Variants in NLGN1 observed in about 807,000 individuals in gnomAD.
The protein encoded by NLGN1 is neuroligin-1.
NLGN1 carries 12 observed loss-of-function variants against 65.5 expected under a neutral mutation model. The ratio of observed to expected loss-of-function variants is 0.18; its 90% CI spans 0.12 to 0.30. The LOEUF (loss-of-function observed/expected upper bound fraction) is 0.30, where lower values mean the gene tolerates loss of function less well. Ranked by LOEUF, NLGN1 falls within the 10% of genes least tolerant of loss-of-function variation. The pLI is 1.00. For synonymous variants in NLGN1, 350 were observed against 359.5 expected, an observed-to-expected ratio of 0.97 and a Z score of 0.30; for missense variants, 750 against 1,007.1, an observed-to-expected ratio of 0.74 and a Z score of 3.46.
intron 3 of NLGN1, among the ~76,000 whole-genome samples, chr3:173,657,708 C>T (rs1164094865): frequency 1.3e-5 from 2 of 151,790 alleles, no homozygotes; most frequent in Admixed American, 1.3e-4. Context: ...TCATCCCACC[C>T]ACTCCAAAGC....
chr3:173,526,839 A>G (rs2149163522), intron 2 of NLGN1, among the ~76,000 whole-genome samples: 1 of 152,344 alleles, frequency 6.6e-6, no homozygotes, highest in South Asian at 2.1e-4. Context: ...AAGTGAGAAC[A>G]TGCAAAGTTT....
exon 3 of NLGN1, chr3:173,604,986 A>T (rs575150492): frequency 6.2e-7 from 1 of 1,613,648 alleles, no homozygotes; most frequent in East Asian, 2.2e-5. Flanking sequence ...GCCAGAAGTC[A>T]TGCTTCCTGT....
At chr3:173,732,567 G>A (rs1234637278) in intron 3 of NLGN1, among the ~76,000 whole-genome samples, 1 of 152,066 alleles carries the variant, frequency 6.6e-6, no homozygotes, top group Non-Finnish European at 1.5e-5. Context: ...ATAACCAGCT[G>A]TATATTTCAG....
At chr3:174,063,186 A>G (rs2152521398) in intron 4 of NLGN1, among the ~76,000 whole-genome samples, 1 of 152,338 alleles carries the variant, frequency 6.6e-6, no homozygotes, top group Middle Eastern at 3.4e-3. Context: ...AGTATGGACA[A>G]CAATGGAATG....
chr3:173,439,924 C>G (rs1247036686), intron 2 of NLGN1, among the ~76,000 whole-genome samples: 2 of 152,116 alleles, frequency 1.3e-5, no homozygotes, highest in African/African-American at 4.8e-5. Context: ...TTTGCTGCAT[C>G]AGTTGATTCT....
chr3:174,183,157 C>A (rs893520766), intron 4 of NLGN1, among the ~76,000 whole-genome samples: 1 of 152,040 alleles, frequency 6.6e-6, no homozygotes, highest in African/African-American at 2.4e-5. Flanking sequence ...CCTGGCACCT[C>A]CCGTCCCCAT....
chr3:173,925,046 G>T (rs1164582698), intron 4 of NLGN1, among the ~76,000 whole-genome samples: 3 of 151,948 alleles, frequency 2.0e-5, no homozygotes, highest in East Asian at 3.9e-4. Context: ...GTTAATAAAA[G>T]AAATAATAAC....
chr3:173,827,307 G>A (rs1721532869), intron 4 of NLGN1, among the ~76,000 whole-genome samples: 2 of 152,024 alleles, frequency 1.3e-5, no homozygotes, highest in Non-Finnish European at 2.9e-5. Context: ...AGATTCTAGT[G>A]AAGAGATATA....
At chr3:173,700,530 A>C (rs1766970148) in intron 3 of NLGN1, among the ~76,000 whole-genome samples, 1 of 152,218 alleles carries the variant, frequency 6.6e-6, no homozygotes, top group South Asian at 2.1e-4. Context: ...AGTTCCTTGT[A>C]TTGAATGTGG....
chr3:173,795,817 T>C (rs1319549689), intron 3 of NLGN1, among the ~76,000 whole-genome samples: 1 of 152,146 alleles, frequency 6.6e-6, no homozygotes, highest in Non-Finnish European at 1.5e-5. Context: ...CTGCTTCCAA[T>C]TGCTCCAGAA....
intron 4 of NLGN1, among the ~76,000 whole-genome samples, chr3:174,179,180 AT>A (rs1433809624): frequency 5.9e-5 from 9 of 152,132 alleles, no homozygotes; most frequent in Non-Finnish European, 1.0e-4. Context: ...ATAGAATACT[AT>A]TTTAAACTAT....
rs184049948 is a variant in NLGN1 at position 174,101,053 on chromosome 3, A to G, written c.647-174262A>G. ...AACCCATGTCTGCCTTCTGTCAACTATGTGATATCAACATAGGTAGTTGCT... is the reference window on the plus strand; with the variant it reads ...AACCCATGTCTGCCTTCTGTCAACTGTGTGATATCAACATAGGTAGTTGCT... On this transcript the variant is annotated intron_variant, in intron 4 of 6. Coordinates refer to ENST00000457714, the Ensembl canonical transcript of NLGN1. 3.3e-5 allele frequency among the ~76,000 whole-genome samples: 5 copies of G among 152,170 alleles called. No individual in the cohort carries two copies. In the East Asian group the frequency reaches 9.7e-4, roughly 30 times the overall value.
intron 4 of NLGN1, among the ~76,000 whole-genome samples, chr3:174,249,232 C>G (rs1744341665): frequency 1.3e-5 from 2 of 152,182 alleles, no homozygotes; most frequent in Admixed American, 1.3e-4. Context: ...CTGAGAACTG[C>G]ATTTATTCCT....
rs548285953 is a variant in NLGN1 at position 173,607,813 on chromosome 3, G to A, written c.493+2722G>A. 2.7e-5 allele frequency among the ~76,000 whole-genome samples: 4 copies of A among 150,898 alleles called. No individual in the cohort carries two copies. In the East Asian group the frequency reaches 7.8e-4, roughly 29 times the overall value. The stretch of plus-strand genomic sequence containing the variant: ...AATAGTTGCTTTGCCAGGACTTTAT[G>A]AATGATGGTTCAGGAACTGTGAGAG... On this transcript the variant is annotated intron_variant, in intron 3 of 6. Coordinates refer to ENST00000457714, the Ensembl canonical transcript of NLGN1.
chr3:173,523,870 A>T (rs1735180898), intron 2 of NLGN1, among the ~76,000 whole-genome samples: 1 of 148,694 alleles, frequency 6.7e-6, no homozygotes, highest in South Asian at 2.1e-4. Context: ...AACACTATTG[A>T]TTCTTCCCAT....
intron 4 of NLGN1, among the ~76,000 whole-genome samples, chr3:174,040,078 C>G (rs1731954039): frequency 6.6e-6 from 1 of 152,128 alleles, no homozygotes; most frequent in Non-Finnish European, 1.5e-5. Context: ...TTTGACTTTC[C>G]ATAGCATTTG....
intron 4 of NLGN1, among the ~76,000 whole-genome samples, chr3:173,934,222 CAAT>C (rs974737057): frequency 4.0e-5 from 6 of 148,262 alleles, no homozygotes. Flanking sequence ...ATCTAAGTTA[CAAT>C]AATAATAATA....
chr3:173,529,839 G>T (rs892669033), intron 2 of NLGN1, among the ~76,000 whole-genome samples: 1 of 152,160 alleles, frequency 6.6e-6, no homozygotes, highest in African/African-American at 2.4e-5. Context: ...ATTAGCTGTG[G>T]TGGAGTTGGC....
chr3:173,665,527 T>C (rs1235082154), intron 3 of NLGN1, among the ~76,000 whole-genome samples: 1 of 152,178 alleles, frequency 6.6e-6, no homozygotes, highest in Non-Finnish European at 1.5e-5. Flanking sequence ...ATAAATGTTA[T>C]ATAAATACAT....
Sources: allele counts gnomAD v4.1 joint callset (sites outside exome capture counted in the v4.1 genomes callset), GRCh38; gene constraint gnomAD v4.1.1; transcripts MANE v1.5; gene names NCBI Gene and HGNC (gene_info 2026-07-23, HGNC 2026-07-21).